CDH23: variants seen among roughly 807,000 people sequenced by gnomAD.
CDH23 encodes the protein cadherin-23.
Under a neutral mutation model 317.1 loss-of-function variants are expected in CDH23, and 189 were observed. The ratio of observed to expected loss-of-function variants is 0.60; its 90% CI spans 0.53 to 0.67. The LOEUF (loss-of-function observed/expected upper bound fraction) is 0.67. Ranked by LOEUF, CDH23 falls within the 30% of genes least tolerant of loss-of-function variation. CDH23 has a pLI of 0.00. For missense variants in CDH23, 4,401 were observed against 4,592.4 expected (o/e 0.96, Z 1.20); for synonymous variants, 1,839 against 1,876.8 (o/e 0.98, Z 0.52).
chr10:71,483,524 G>A (rs747867109), intron 3 of CDH23, among the ~76,000 whole-genome samples: 6 of 151,998 alleles, frequency 3.9e-5, no homozygotes, highest in East Asian at 3.9e-4. Flanking sequence ...GAACCCAGGC[G>A]AGCACCATCT....
chr10:71,494,765 C>A lies in CDH23; in HGVS notation c.146-15317C>A, dbSNP rs1286029527. On this transcript the variant is annotated intron_variant, in intron 3 of 69. Coordinates refer to ENST00000224721, the MANE Select transcript of CDH23 (RefSeq NM_022124.6). Reference sequence around the variant, plus strand: ...TCCTGGGTGCCTGACTTGCCTCATGCTAGTTTCCACCCTGTCTAGCTGGGT... The same window carrying A: ...TCCTGGGTGCCTGACTTGCCTCATGATAGTTTCCACCCTGTCTAGCTGGGT... Among the ~76,000 whole-genome samples the A allele has an allele frequency of 3.9e-5, 6 of 152,270 alleles. No individual in the cohort carries two copies. In the South Asian group the frequency reaches 1.0e-3, roughly 26 times the overall value.
intron 30 of CDH23, among the ~76,000 whole-genome samples, chr10:71,730,263 A>T (rs1378755800): frequency 6.6e-6 from 1 of 152,254 alleles, no homozygotes; most frequent in African/African-American, 2.4e-5. Flanking sequence ...ATTCCGAAAC[A>T]AGTAATGTTT....
chr10:71,639,720 G>A (rs1389980340), intron 11 of CDH23, among the ~76,000 whole-genome samples: 1 of 152,180 alleles, frequency 6.6e-6, no homozygotes. Context: ...TTCTGGTTAA[G>A]GTGTGTGACG....
In CDH23 at chr10:71,476,587, G is replaced by T. The variant is rs115200767; in HGVS notation, c.145+30192G>T. Among the ~76,000 whole-genome samples the T allele has an allele frequency of 5.4e-3, 820 of 152,288 alleles. 6 individuals carry two copies. The highest frequency in any genetic ancestry group is 0.018 in the African/African-American group (763 of 41,552). On this transcript the variant is annotated intron_variant, in intron 3 of 69. Transcript: ENST00000224721. ...TTGGCCAAGAGGACAGAGGATGGGA[G>T]CACCAGCAGCTTAAGAGAGGGTTTG...
rs534428906 is a variant in CDH23 at position 71,702,015 on chromosome 10, C to T, written c.2398-7C>T. ...CTCAGTGAAGGGGTCTGCTCCCTCC[C>T]GGGCAGGTGGTGGCTGTTGACCCAG... On this transcript the variant is annotated splice_region_variant and splice_polypyrimidine_tract_variant and intron_variant, in intron 22 of 69. Coordinates refer to ENST00000224721, the MANE Select transcript of CDH23 (RefSeq NM_022124.6). 2.0e-5 allele frequency: 32 copies of T among 1,613,362 alleles called. No individual in the cohort carries two copies. Among genetic ancestry groups the T allele is most frequent in the African/African-American group, 6.7e-5 (5 of 75,018 alleles).
At chr10:71,531,512 T>C (rs1380600477) in intron 6 of CDH23, among the ~76,000 whole-genome samples, 1 of 152,158 alleles carries the variant, frequency 6.6e-6, no homozygotes, top group Non-Finnish European at 1.5e-5. Flanking sequence ...CCCACAGCCT[T>C]TGCCTGCACA....
At chr10:71,640,260 C>A (rs1484016452) in intron 11 of CDH23, among the ~76,000 whole-genome samples, 1 of 152,230 alleles carries the variant, frequency 6.6e-6, no homozygotes, top group Non-Finnish European at 1.5e-5. Flanking sequence ...TTGACCTCAG[C>A]CTGCACACGA....
At chr10:71,514,313 C>G (rs1347243021) in intron 6 of CDH23, among the ~76,000 whole-genome samples, 1 of 152,194 alleles carries the variant, frequency 6.6e-6, no homozygotes, top group Non-Finnish European at 1.5e-5. Flanking sequence ...TTTTTACAAA[C>G]TCCTCTGGTA....
intron 3 of CDH23, among the ~76,000 whole-genome samples, chr10:71,450,992 G>C (rs575835752): frequency 5.6e-4 from 86 of 152,234 alleles, no homozygotes; most frequent in Middle Eastern, 6.8e-3. Flanking sequence ...CTGGAATCCT[G>C]ACCTCCCCCA....
chr10:71,611,386 GC>G (rs1484765214), intron 9 of CDH23, among the ~76,000 whole-genome samples: 1 of 152,138 alleles, frequency 6.6e-6, no homozygotes, highest in East Asian at 1.9e-4. Flanking sequence ...GCTCTCTGTG[GC>G]GAGGCTCTCC....
intron 6 of CDH23, among the ~76,000 whole-genome samples, chr10:71,540,068 G>A (rs1159964320): frequency 6.6e-6 from 1 of 152,186 alleles, no homozygotes; most frequent in Non-Finnish European, 1.5e-5. Context: ...GCTGGTGGGG[G>A]CAGTCCTGGG....
At chr10:71,511,038 G>A (rs1261878935) in intron 5 of CDH23, 37 bp downstream of exon 5, 3 of 1,613,202 alleles carry the variant, frequency 1.9e-6, no homozygotes, top group Admixed American at 3.3e-5. Flanking sequence ...CATGTTCCTG[G>A]GGTCACAGGA....
At chr10:71,688,911 C>T (rs370869550) in intron 19 of CDH23, among the ~76,000 whole-genome samples, 1,882 of 15,916 alleles carry the variant, frequency 0.12, 1 homozygote, top group Middle Eastern at 0.25. Flanking sequence ...GATGGTGGAG[C>T]CAGGGGTGGT....
chr10:71,673,099 C>T (rs756212516), intron 14 of CDH23, among the ~76,000 whole-genome samples: 5 of 152,192 alleles, frequency 3.3e-5, no homozygotes, highest in Non-Finnish European at 4.4e-5. Flanking sequence ...TGTCTCTCTG[C>T]CCCTTCCCTA....
intron 14 of CDH23, among the ~76,000 whole-genome samples, chr10:71,674,297 T>A (rs1864267769): frequency 6.6e-6 from 1 of 152,218 alleles, no homozygotes; most frequent in African/African-American, 2.4e-5. Context: ...TTACTAGATT[T>A]AATAGACTCC....
At chr10:71,813,156 G>C (rs545597876) in intron 68 of CDH23, 88 bp from the exon 69 acceptor site, 11 of 1,291,078 alleles carry the variant, frequency 8.5e-6, no homozygotes, top group East Asian at 5.1e-5. Context: ...TCAGATGTCC[G>C]TGTACCCCTT....
chr10:71,813,167 A>G (rs1842000486), intron 68 of CDH23, 77 bp from the exon 69 acceptor site: 6 of 1,347,978 alleles, frequency 4.5e-6, no homozygotes, highest in Middle Eastern at 2.4e-4. Context: ...TGTACCCCTT[A>G]CTCCCAGAGG....
At chr10:71,494,450 C>T (rs1173260778) in intron 3 of CDH23, among the ~76,000 whole-genome samples, 2 of 152,146 alleles carry the variant, frequency 1.3e-5, no homozygotes, top group Non-Finnish European at 2.9e-5. Flanking sequence ...AATCTTAAAT[C>T]CTGGCTCTAC....
At chr10:71,683,426 T>C (rs985572282) in intron 18 of CDH23, among the ~76,000 whole-genome samples, 2 of 152,258 alleles carry the variant, frequency 1.3e-5, no homozygotes, top group Non-Finnish European at 2.9e-5. Flanking sequence ...CACAGCCAGC[T>C]TCACCAGCAG....
Sources: allele counts gnomAD v4.1 joint callset (sites outside exome capture counted in the v4.1 genomes callset), GRCh38; gene constraint gnomAD v4.1.1; transcripts MANE v1.5; gene names NCBI Gene and HGNC (gene_info 2026-07-23, HGNC 2026-07-21).